The following CYP20A1 variants were observed in gnomAD, a reference collection of about 807,000 sequenced individuals.
CYP20A1 encodes the protein cytochrome P450 20A1.
Under a neutral mutation model 61.4 loss-of-function variants are expected in CYP20A1, and 61 were observed. The ratio of observed to expected loss-of-function variants is 0.99; its 90% CI spans 0.81 to 1.23. CYP20A1 has a LOEUF of 1.23. CYP20A1 is among the 50% of genes most tolerant of loss of function. The pLI, the probability that CYP20A1 is intolerant of heterozygous loss-of-function variation, is 0.00. For synonymous variants in CYP20A1, 193 were observed against 188.2 expected (o/e 1.03, Z -0.21); for missense variants, 530 against 542.4 (o/e 0.98, Z 0.23).
intron 1 of CYP20A1, among the ~76,000 whole-genome samples, chr2:203,242,320 G>A (rs749616392): frequency 6.6e-6 from 1 of 152,144 alleles, no homozygotes; most frequent in African/African-American, 2.4e-5. Flanking sequence ...TGTAATTGGG[G>A]TGATAAACCT....
intron 1 of CYP20A1, among the ~76,000 whole-genome samples, chr2:203,242,683 T>C (rs1332523634): frequency 6.6e-6 from 1 of 151,556 alleles, no homozygotes; most frequent in East Asian, 1.9e-4. Context: ...CCCAGCTACT[T>C]GGGAGGCTGA....
intron 7 of CYP20A1, 26 bp from the exon 8 acceptor site, chr2:203,280,033 T>C (rs1299257636): frequency 1.3e-6 from 2 of 1,583,132 alleles, no homozygotes; most frequent in Non-Finnish European, 1.7e-6. Flanking sequence ...TTTTTCACAC[T>C]TTCTAAACTT....
chr2:203,294,253 A>G (rs1198722368), intron 11 of CYP20A1, among the ~76,000 whole-genome samples: 1 of 152,040 alleles, frequency 6.6e-6, no homozygotes, highest in Non-Finnish European at 1.5e-5. Flanking sequence ...CCAACTATGA[A>G]AAATAATGGG....
intron 6 of CYP20A1, among the ~76,000 whole-genome samples, chr2:203,273,948 CAAAAAAT>C (rs1047574060): frequency 4.6e-5 from 7 of 151,712 alleles, no homozygotes; most frequent in South Asian, 2.1e-4. Flanking sequence ...CTCTTATCTC[CAAAAAAT>C]AAAAAATAAA....
rs919517911 is a variant in CYP20A1, at chr2:203,305,931, G to A, written c.*9023G>A. Among the ~76,000 whole-genome samples the A allele has an allele frequency of 2.0e-5, 3 of 152,142 alleles. No individual in the cohort carries two copies. Among genetic ancestry groups the A allele is most frequent in the Non-Finnish European group, 4.4e-5 (3 of 68,026 alleles). On this transcript the variant is annotated 3_prime_UTR_variant, in exon 13 of 13. Transcript: ENST00000356079. ...CTCCATTAATAGAAGTGTTTAAGAG[G>A]ATGTTGTATGCCTGCCTTCCACTCA... is the stretch of plus-strand genomic sequence containing the variant.
chr2:203,244,117 A>G (rs1181595783), intron 1 of CYP20A1, among the ~76,000 whole-genome samples: 1 of 151,126 alleles, frequency 6.6e-6, no homozygotes, highest in Non-Finnish European at 1.5e-5. Flanking sequence ...TCCCAATTAA[A>G]TGCCCCCGCC....
At chr2:203,277,221 G>A (rs1575235180) in intron 6 of CYP20A1, among the ~76,000 whole-genome samples, 1 of 152,092 alleles carries the variant, frequency 6.6e-6, no homozygotes. Context: ...GGTGGCACAC[G>A]CCTATAGTCC....
intron 4 of CYP20A1, among the ~76,000 whole-genome samples, chr2:203,255,043 T>TA (rs1376360493): frequency 1.2e-4 from 18 of 152,192 alleles, no homozygotes; most frequent in African/African-American, 4.1e-4. Context: ...AAAGAATCTC[T>TA]AATGTCAATT....
intron 3 of CYP20A1, among the ~76,000 whole-genome samples, chr2:203,251,527 T>C (rs1559086752): frequency 1.3e-5 from 2 of 151,584 alleles, no homozygotes; most frequent in East Asian, 3.9e-4. Context: ...CTCAGCACTT[T>C]GGGAGGCTGA....
rs148571396 is a variant in CYP20A1, at chr2:203,255,920, T to C, written c.432+3811T>C. On this transcript the variant is annotated intron_variant, in intron 4 of 12. Transcript: ENST00000356079. ...TTAAATGTCACTTCCCCAGGGACGC[T>C]ATCTCTGATCATCCCACATTGCTGG... 3.6e-3 allele frequency among the ~76,000 whole-genome samples: 544 copies of C among 152,326 alleles called. 8 individuals carry two copies. Among genetic ancestry groups the C allele is most frequent in the African/African-American group, 0.012 (512 of 41,588 alleles).
At chr2:203,248,379 C>T (rs1575169945) in intron 3 of CYP20A1, among the ~76,000 whole-genome samples, 1 of 152,024 alleles carries the variant, frequency 6.6e-6, no homozygotes, top group South Asian at 2.1e-4. Flanking sequence ...ACTAAAAATA[C>T]AAAAATTAGC....
In CYP20A1 at chr2:203,303,410, A is replaced by G. The variant is rs1378603539; in HGVS notation, c.*6502A>G. Among the ~76,000 whole-genome samples the G allele has an allele frequency of 6.6e-6, 1 of 152,050 alleles. No individual in the cohort carries two copies. The highest frequency in any genetic ancestry group is 1.5e-5 in the Non-Finnish European group (1 of 68,022). ...AACAGGTTTAAATGGTGTGCTATTC[A>G]TAATTATTGCAAAAATAGGCCGGGC... On this transcript the variant is annotated 3_prime_UTR_variant, in exon 13 of 13. Coordinates refer to ENST00000356079, the MANE Select transcript of CYP20A1 (RefSeq NM_177538.3).
In CYP20A1 at chr2:203,299,074, C is replaced by T. The variant is rs1220540350; in HGVS notation, c.*2166C>T. Among the ~76,000 whole-genome samples the T allele has an allele frequency of 6.6e-6, 1 of 152,018 alleles. No homozygotes were observed. The highest frequency in any genetic ancestry group is 2.4e-5 in the African/African-American group (1 of 41,404). ...GTATCTTAAGTGTCTTTCAAAATTACACTTTAGCACTTATAAATTTTATAT... is the reference window on the plus strand; with the variant it reads ...GTATCTTAAGTGTCTTTCAAAATTATACTTTAGCACTTATAAATTTTATAT... On this transcript the variant is annotated 3_prime_UTR_variant, in exon 13 of 13. Transcript: ENST00000356079.
chr2:203,298,967 G>A lies in CYP20A1; in HGVS notation c.*2059G>A, dbSNP rs562688102. 5.9e-5 allele frequency among the ~76,000 whole-genome samples: 9 copies of A among 151,488 alleles called. No individual in the cohort carries two copies. In the East Asian group the frequency reaches 9.8e-4, roughly 16 times the overall value. ...GGAGAATCGCTTGAACCTGGGAGGC[G>A]GAGGTTGCAGTGAGCTGATGTTGTG... On this transcript the variant is annotated 3_prime_UTR_variant, in exon 13 of 13. Coordinates refer to ENST00000356079, the MANE Select transcript of CYP20A1 (RefSeq NM_177538.3).
At chr2:203,241,789 C>G (rs1438249519) in intron 1 of CYP20A1, among the ~76,000 whole-genome samples, 1 of 152,192 alleles carries the variant, frequency 6.6e-6, no homozygotes, top group Non-Finnish European at 1.5e-5. Flanking sequence ...CTTAGCCTCT[C>G]AAGTTGCTGG....
intron 8 of CYP20A1, among the ~76,000 whole-genome samples, chr2:203,283,125 G>A (rs1262959166): frequency 2.0e-5 from 3 of 151,004 alleles, no homozygotes; most frequent in Admixed American, 6.6e-5. Context: ...CAAGTGAGCT[G>A]TGATCACTAC....
chr2:203,285,560 C>G (rs2068229057), intron 8 of CYP20A1, 52 bp from the exon 9 acceptor site: 9 of 1,460,542 alleles, frequency 6.2e-6, no homozygotes, highest in African/African-American at 1.4e-5. Flanking sequence ...TATTCTATAC[C>G]CAAGCCATGA....
intron 4 of CYP20A1, 108 bp downstream of exon 4, chr2:203,252,217 C>G: frequency 1.3e-6 from 1 of 792,586 alleles, no homozygotes; most frequent in Non-Finnish European, 1.8e-6. Flanking sequence ...TCCTGTCCCT[C>G]TAAGCTAATT....
At chr2:203,266,831 A>C in intron 5 of CYP20A1, 150 bp downstream of exon 5, 3 of 627,262 alleles carry the variant, frequency 4.8e-6, no homozygotes, top group Middle Eastern at 4.6e-4. Context: ...AAATACAAAA[A>C]TCAGCTGGGT....
Sources: allele counts gnomAD v4.1 joint callset (sites outside exome capture counted in the v4.1 genomes callset), GRCh38; gene constraint gnomAD v4.1.1; transcripts MANE v1.5; gene names NCBI Gene and HGNC (gene_info 2026-07-23, HGNC 2026-07-21).